PTPRN2: variants seen among roughly 807,000 people sequenced by gnomAD.
The protein encoded by PTPRN2 is receptor-type tyrosine-protein phosphatase N2.
Under a neutral mutation model 118.8 loss-of-function variants are expected in PTPRN2, and 74 were observed. The ratio of observed to expected loss-of-function variants is 0.62; its 90% CI spans 0.52 to 0.76. The LOEUF (loss-of-function observed/expected upper bound fraction) is 0.76. Ranked by LOEUF, PTPRN2 falls within the 30% of genes least tolerant of loss-of-function variation. The probability of loss-of-function intolerance (pLI) is 0.00; values close to 1 mark genes in which losing one functional copy is unlikely to be tolerated. For missense variants in PTPRN2, 1,481 were observed against 1,394.4 expected (o/e 1.06, Z -0.99); for synonymous variants, 641 against 608.0 (o/e 1.05, Z -0.80).
At chr7:158,071,589 GAGGTGCTCC>G (rs1563392241) in intron 11 of PTPRN2, among the ~76,000 whole-genome samples, 163 of 106,532 alleles carry the variant, frequency 1.5e-3, no homozygotes, top group South Asian at 2.9e-3. Context: ...GCTCCTGGTG[GAGGTGCTCC>G]TGGTGGAGGT....
rs1017027541 is a variant in PTPRN2 at position 158,529,054 on chromosome 7, C to T, written c.113-39269G>A. On this transcript the variant is annotated intron_variant, in intron 1 of 22. Coordinates refer to ENST00000389418, the MANE Select transcript of PTPRN2 (RefSeq NM_002847.5). This position sits in a 1 kb window ranked among gnomAD's most constrained non-coding sequence, Gnocchi z 4.7. ...GGCTTTGGGATCACACAGCCAGGGG[C>T]AAATCTCAGCTCTGCAGCCTGAGAA... Among the ~76,000 whole-genome samples, 1 of 152,070 alleles carries T rather than the reference C, an allele frequency of 6.6e-6. No individual in the cohort carries two copies. The highest frequency in any genetic ancestry group is 1.5e-5 in the Non-Finnish European group (1 of 68,016).
chr7:157,878,645 C>T (rs1795933023), intron 12 of PTPRN2, among the ~76,000 whole-genome samples: 1 of 141,104 alleles, frequency 7.1e-6, no homozygotes, highest in African/African-American at 2.8e-5. Context: ...CGCTTACTCA[C>T]TGAGGAGCTC....
chr7:157,701,850 C>G (rs548399437), intron 12 of PTPRN2, among the ~76,000 whole-genome samples: 4 of 147,966 alleles, frequency 2.7e-5, no homozygotes, highest in East Asian at 2.0e-4. Flanking sequence ...AAAGCCCGGT[C>G]GGTGCTGGTG....
At chr7:158,564,494 G>T (rs1036518112) in intron 1 of PTPRN2, among the ~76,000 whole-genome samples, 2 of 152,244 alleles carry the variant, frequency 1.3e-5, no homozygotes, top group African/African-American at 4.8e-5. Context: ...CAGCTGTGCG[G>T]CTGCCATCCC....
At chr7:158,423,744 C>CA (rs11419690) in intron 2 of PTPRN2, among the ~76,000 whole-genome samples, 53,932 of 151,828 alleles carry the variant, frequency 0.36, 10,588 homozygotes, top group East Asian at 0.59. Context: ...CTCCTGACCT[C>CA]AAGTGTTCCG....
intron 10 of PTPRN2, among the ~76,000 whole-genome samples, chr7:158,096,871 C>A (rs993096203): frequency 3.3e-5 from 5 of 152,242 alleles, no homozygotes. Flanking sequence ...AGACCCTCCC[C>A]TGGGGCTCCT....
At chr7:157,626,602 AT>A (rs1803587011) in intron 14 of PTPRN2, among the ~76,000 whole-genome samples, 1 of 152,114 alleles carries the variant, frequency 6.6e-6, no homozygotes, top group South Asian at 2.1e-4. Context: ...CATTCGTCAC[AT>A]TCTTCCTGTT....
intron 5 of PTPRN2, among the ~76,000 whole-genome samples, chr7:158,188,064 C>A (rs555306398): frequency 6.6e-6 from 1 of 152,124 alleles, no homozygotes; most frequent in Admixed American, 6.5e-5. Flanking sequence ...GCGGCAGGGT[C>A]GCAACCCAAG....
At chr7:158,403,720 G>A (rs956642410) in intron 2 of PTPRN2, among the ~76,000 whole-genome samples, 5 of 152,168 alleles carry the variant, frequency 3.3e-5, no homozygotes, top group Admixed American at 2.0e-4. Context: ...AGACCCACTC[G>A]GGGAGGGGTC....
At chr7:158,070,804 G>A (rs1217162188) in intron 11 of PTPRN2, among the ~76,000 whole-genome samples, 127 of 98,886 alleles carry the variant, frequency 1.3e-3, no homozygotes, top group East Asian at 2.4e-3. Flanking sequence ...GGAGGTGCCC[G>A]TGGTGGTGAA....
intron 12 of PTPRN2, among the ~76,000 whole-genome samples, chr7:157,778,338 A>G (rs900569500): frequency 1.3e-5 from 2 of 152,196 alleles, no homozygotes; most frequent in African/African-American, 4.8e-5. Flanking sequence ...ATGCCCACGT[A>G]CATGTGATTA....
In PTPRN2 at chr7:157,585,274, C is replaced by T. The variant is rs374765781; in HGVS notation, c.2497-7134G>A. Among the ~76,000 whole-genome samples the T allele has an allele frequency of 1.5e-4, 23 of 152,168 alleles. No homozygotes were observed. The South Asian group carries it at 2.3e-3, about 15-fold the overall frequency. On this transcript the variant is annotated intron_variant, in intron 17 of 22. Transcript: ENST00000389418. This position sits in a 1 kb window ranked among gnomAD's most constrained non-coding sequence, Gnocchi z 5.2. ...GGGACTTTTCCACCAGCAGTATTGCCGCCCAGGAGGAAGGGGAAGCCTCAG... is the reference window on the plus strand; with the variant it reads ...GGGACTTTTCCACCAGCAGTATTGCTGCCCAGGAGGAAGGGGAAGCCTCAG...
At chr7:157,697,965 C>T (rs955208218) in intron 12 of PTPRN2, among the ~76,000 whole-genome samples, 3 of 151,104 alleles carry the variant, frequency 2.0e-5, no homozygotes, top group Admixed American at 6.6e-5. Flanking sequence ...CATACTGGAT[C>T]TTAGCAGAGC....
chr7:157,753,760 G>A (rs954472060), intron 12 of PTPRN2, among the ~76,000 whole-genome samples: 7 of 151,886 alleles, frequency 4.6e-5, no homozygotes, highest in Admixed American at 6.6e-5. Context: ...TTCCCAGATC[G>A]TGGCATGCGT....
At chr7:158,538,526 G>A (rs749515981) in intron 1 of PTPRN2, among the ~76,000 whole-genome samples, 15 of 152,228 alleles carry the variant, frequency 9.9e-5, no homozygotes, top group African/African-American at 2.6e-4. Context: ...TCTATAATGC[G>A]TGTGTGCCTC....
chr7:158,414,593 C>G (rs749991210), intron 2 of PTPRN2, among the ~76,000 whole-genome samples: 1 of 152,216 alleles, frequency 6.6e-6, no homozygotes. Flanking sequence ...GAAGCTGGCA[C>G]GAGCTCACAT....
chr7:157,773,743 G>A (rs1036508089), intron 12 of PTPRN2, among the ~76,000 whole-genome samples: 3 of 152,152 alleles, frequency 2.0e-5, no homozygotes, highest in South Asian at 2.1e-4. Context: ...CTTTGTTCCC[G>A]AACCTCAGCC....
Position 157,952,924 on chromosome 7 carries a change from C to T in PTPRN2, c.1724-54187G>A, listed in dbSNP as rs550168572. Among the ~76,000 whole-genome samples, 36 of 152,236 alleles carry T rather than the reference C, an allele frequency of 2.4e-4. 1 individual carries two copies. In the South Asian group the frequency reaches 6.0e-3, roughly 26 times the overall value. ...TCCAGGACGTGAAGATGTCCATCACCGAGACGTCAGCACGGCAGGTGGGAG... is the reference window on the plus strand; with the variant it reads ...TCCAGGACGTGAAGATGTCCATCACTGAGACGTCAGCACGGCAGGTGGGAG... On this transcript the variant is annotated intron_variant, in intron 11 of 22. Coordinates refer to ENST00000389418, the MANE Select transcript of PTPRN2 (RefSeq NM_002847.5).
chr7:157,765,226 T>C (rs1417122904), intron 12 of PTPRN2, among the ~76,000 whole-genome samples: 2 of 147,770 alleles, frequency 1.4e-5, no homozygotes, highest in Non-Finnish European at 3.0e-5. Flanking sequence ...CATCCATCCA[T>C]CCTTCTTTCA....
Sources: gnomAD v4.1 joint callset for allele counts (sites outside exome capture counted in the v4.1 genomes callset) on GRCh38, gnomAD v4.1.1 for gene constraint, Gnocchi (gnomAD v3.1) non-coding constraint, MANE v1.5 for transcripts, NCBI Gene and HGNC (gene_info 2026-07-23, HGNC 2026-07-21) for gene names.